The following CSMD1 variants were observed in gnomAD, a reference collection of about 807,000 sequenced individuals.
CSMD1 encodes CUB and Sushi multiple domains 1.
CSMD1 carries 213 observed loss-of-function variants against 417.5 expected under a neutral mutation model. The ratio of observed to expected loss-of-function variants is 0.51; its 90% CI spans 0.46 to 0.57. The LOEUF is 0.57. CSMD1 is among the 20% of genes least tolerant of loss of function. The pLI, the probability that CSMD1 is intolerant of heterozygous loss-of-function variation, is 0.00. For missense variants in CSMD1, 6,923 were observed against 4,529.7 expected (o/e 1.53, Z -15.17); for synonymous variants, 2,862 against 1,736.8 (o/e 1.65, Z -16.11).
chr8:3,586,465 C>T, intron 8 of CSMD1, among the ~76,000 whole-genome samples: 1 of 151,964 alleles, frequency 6.6e-6, no homozygotes, highest in Non-Finnish European at 1.5e-5. Context: ...GGTTCAGATT[C>T]CTGTTGTGCC....
At chr8:4,993,862 C>T (rs572684640) in intron 1 of CSMD1, among the ~76,000 whole-genome samples, 1 of 152,204 alleles carries the variant, frequency 6.6e-6, no homozygotes, top group African/African-American at 2.4e-5. Context: ...CTATTGGTAC[C>T]AAAACCCCCG....
intron 12 of CSMD1, among the ~76,000 whole-genome samples, chr8:3,453,898 T>A (rs1374490979): frequency 6.6e-6 from 1 of 152,182 alleles, no homozygotes; most frequent in Admixed American, 6.6e-5. Flanking sequence ...AAATGTCTGA[T>A]GTTGACAGTA....
chr8:3,980,440 C>T (rs1421645161), intron 5 of CSMD1, among the ~76,000 whole-genome samples: 5 of 152,176 alleles, frequency 3.3e-5, no homozygotes, highest in Admixed American at 1.3e-4. Flanking sequence ...GAAATCTTCA[C>T]ATCTTACACG....
intron 26 of CSMD1, among the ~76,000 whole-genome samples, chr8:3,254,009 G>C (rs756023608): frequency 6.6e-6 from 1 of 152,158 alleles, no homozygotes; most frequent in Admixed American, 6.5e-5. Flanking sequence ...GCAGTGGCTG[G>C]TACTAGTTGT....
intron 3 of CSMD1, among the ~76,000 whole-genome samples, chr8:4,229,117 T>G (rs1413995139): frequency 1.3e-5 from 2 of 152,226 alleles, no homozygotes; most frequent in African/African-American, 4.8e-5. Flanking sequence ...CCACACAGTC[T>G]TCCCAGCTTG....
intron 10 of CSMD1, among the ~76,000 whole-genome samples, chr8:3,505,292 C>G (rs997964691): frequency 6.6e-6 from 1 of 152,028 alleles, no homozygotes; most frequent in Non-Finnish European, 1.5e-5. Context: ...ATCAATCAAC[C>G]AAAGATGTGT....
At chr8:4,709,586 T>G (rs2725077) in intron 1 of CSMD1, among the ~76,000 whole-genome samples, 50,097 of 152,082 alleles carry the variant, frequency 0.33, 9,569 homozygotes, top group Non-Finnish European at 0.43. Context: ...AAATTCAATT[T>G]GCAGAAGCTG....
At chr8:4,822,854 T>C (rs1476858771) in intron 1 of CSMD1, among the ~76,000 whole-genome samples, 1 of 152,116 alleles carries the variant, frequency 6.6e-6, no homozygotes, top group African/African-American at 2.4e-5. Context: ...ATTTTCTCCG[T>C]CAGATTGTCT....
At position 4,128,484 on chromosome 8, in the gene CSMD1, T is replaced by G. The variant is rs144240819; in HGVS notation, c.416-96385A>C. 6.6e-5 allele frequency among the ~76,000 whole-genome samples: 10 copies of G among 152,226 alleles called. No individual in the cohort carries two copies. In the East Asian group the frequency reaches 1.5e-3, roughly 24 times the overall value. On this transcript the variant is annotated intron_variant, in intron 3 of 69. Coordinates refer to ENST00000635120, the MANE Select transcript of CSMD1 (RefSeq NM_033225.6). ...TCCACATGCTCTCCAAGGTTTAAAATTTAAAACAACCAAACAAACAAACAC... is the reference window on the plus strand; with the variant it reads ...TCCACATGCTCTCCAAGGTTTAAAAGTTAAAACAACCAAACAAACAAACAC...
intron 3 of CSMD1, among the ~76,000 whole-genome samples, chr8:4,082,633 C>A (rs865973411): frequency 2.6e-5 from 4 of 151,932 alleles, no homozygotes; most frequent in African/African-American, 9.7e-5. Flanking sequence ...TATTATTACA[C>A]TTTAACTTTT....
At chr8:4,729,128 G>A (rs545138579) in intron 1 of CSMD1, among the ~76,000 whole-genome samples, 2 of 152,196 alleles carry the variant, frequency 1.3e-5, no homozygotes, top group South Asian at 2.1e-4. Context: ...CAAGGAGGAA[G>A]ACTAAACAAA....
intron 49 of CSMD1, among the ~76,000 whole-genome samples, chr8:3,052,989 C>T (rs1454232664): frequency 6.6e-6 from 1 of 152,044 alleles, no homozygotes; most frequent in Non-Finnish European, 1.5e-5. Context: ...TTTATGTTGG[C>T]CAGGCTGGTT....
chr8:4,398,631 C>G (rs546368576), intron 3 of CSMD1, among the ~76,000 whole-genome samples: 13 of 152,090 alleles, frequency 8.5e-5, no homozygotes, highest in South Asian at 2.1e-4. Flanking sequence ...TCCTGACCTC[C>G]TGATCTGCCC....
chr8:4,837,521 T>C (rs907717720), intron 1 of CSMD1, among the ~76,000 whole-genome samples: 1 of 152,208 alleles, frequency 6.6e-6, no homozygotes, highest in African/African-American at 2.4e-5. Flanking sequence ...TATAGCTTTT[T>C]GCAGCTTTGG....
chr8:4,452,191 C>T (rs77500513), intron 2 of CSMD1, among the ~76,000 whole-genome samples: 1 of 151,972 alleles, frequency 6.6e-6, no homozygotes, highest in African/African-American at 2.4e-5. Flanking sequence ...GCTTAGTGCA[C>T]GTTTCTGCTT....
chr8:4,257,624 T>C (rs982123020), intron 3 of CSMD1, among the ~76,000 whole-genome samples: 1 of 152,234 alleles, frequency 6.6e-6, no homozygotes, highest in Non-Finnish European at 1.5e-5. Context: ...AAGTTTGTCC[T>C]ACTGTTTCAG....
At chr8:4,258,909 T>C (rs746280982) in intron 3 of CSMD1, among the ~76,000 whole-genome samples, 1 of 152,204 alleles carries the variant, frequency 6.6e-6, no homozygotes, top group Non-Finnish European at 1.5e-5. Context: ...CTTTGCTTTG[T>C]TCTAAGACTA....
chr8:3,850,080 G>C (rs1474426961), intron 5 of CSMD1, among the ~76,000 whole-genome samples: 1 of 152,216 alleles, frequency 6.6e-6, no homozygotes, highest in Non-Finnish European at 1.5e-5. Context: ...ACAGGCATGA[G>C]CCACTGCACC....
At chr8:3,246,011 AT>A (rs1799856722) in intron 26 of CSMD1, among the ~76,000 whole-genome samples, 2 of 151,980 alleles carry the variant, frequency 1.3e-5, no homozygotes. Context: ...TTTGGTTTTA[AT>A]TATTTATTTC....
Sources: allele counts gnomAD v4.1 joint callset (sites outside exome capture counted in the v4.1 genomes callset), GRCh38; gene constraint gnomAD v4.1.1; transcripts MANE v1.5; gene names NCBI Gene and HGNC (gene_info 2026-07-23, HGNC 2026-07-21).